RTF1: variants seen among roughly 807,000 people sequenced by gnomAD.
The protein encoded by RTF1 is RNA polymerase-associated protein RTF1 homolog.
Under a neutral mutation model 95.7 loss-of-function variants are expected in RTF1, and 10 were observed. The ratio of observed to expected loss-of-function variants is 0.10; its 90% CI spans 0.06 to 0.18. RTF1 has a LOEUF of 0.18. Ranked by LOEUF, RTF1 falls within the 10% of genes least tolerant of loss-of-function variation. RTF1 has a pLI of 1.00. For synonymous variants in RTF1, 305 were observed against 311.8 expected (o/e 0.98, Z 0.23); for missense variants, 458 against 875.6 (o/e 0.52, Z 6.02).
intron 2 of RTF1, among the ~76,000 whole-genome samples, chr15:41,441,509 T>C (rs940105502): frequency 6.6e-6 from 1 of 152,160 alleles, no homozygotes; most frequent in Non-Finnish European, 1.5e-5. Context: ...ACTTTTGCAG[T>C]TAGTACTGAG....
At chr15:41,420,974 G>A (rs1173844373) in intron 1 of RTF1, among the ~76,000 whole-genome samples, 1 of 152,204 alleles carries the variant, frequency 6.6e-6, no homozygotes, top group African/African-American at 2.4e-5. Flanking sequence ...CACACTATAA[G>A]TATTTAGAAG....
chr15:41,479,600 C>A (rs561565105), intron 16 of RTF1, among the ~76,000 whole-genome samples: 2 of 152,278 alleles, frequency 1.3e-5, no homozygotes, highest in Admixed American at 6.5e-5. Flanking sequence ...GTGGCTCATG[C>A]CTGTAATCCC....
At chr15:41,450,288 GGCC>G (rs1241889941) in intron 2 of RTF1, among the ~76,000 whole-genome samples, 5 of 152,188 alleles carry the variant, frequency 3.3e-5, no homozygotes, top group African/African-American at 1.2e-4. Flanking sequence ...AGAAGTTTTA[GGCC>G]AGGTGCGGTG....
At chr15:41,444,298 ATT>A (rs879695308) in intron 2 of RTF1, among the ~76,000 whole-genome samples, 4 of 143,072 alleles carry the variant, frequency 2.8e-5, no homozygotes, top group African/African-American at 2.5e-5. Flanking sequence ...TACTTGCTAG[ATT>A]TTTTTTTTTT....
chr15:41,476,260 G>C (rs976132310), intron 11 of RTF1, among the ~76,000 whole-genome samples, 186 bp from the exon 12 acceptor site: 6 of 152,144 alleles, frequency 3.9e-5, no homozygotes, highest in Admixed American at 1.3e-4. Flanking sequence ...AAGAATCTCC[G>C]TGACCCAGGA....
chr15:41,434,565 A>G (rs1378920637), intron 1 of RTF1, among the ~76,000 whole-genome samples: 1 of 151,952 alleles, frequency 6.6e-6, no homozygotes, highest in South Asian at 2.1e-4. Context: ...ATGGAACTGT[A>G]GAGTGTAGAT....
intron 1 of RTF1, among the ~76,000 whole-genome samples, chr15:41,421,129 G>A (rs1029317458): frequency 1.3e-5 from 2 of 151,906 alleles, no homozygotes; most frequent in South Asian, 2.1e-4. Context: ...TGAGATCAGC[G>A]TAGGCAACAA....
At chr15:41,457,205 C>G (rs1399256906) in intron 3 of RTF1, among the ~76,000 whole-genome samples, 1 of 152,170 alleles carries the variant, frequency 6.6e-6, no homozygotes, top group African/African-American at 2.4e-5. Flanking sequence ...AGTTCGAGAC[C>G]AGCCTTGGCA....
At chr15:41,473,174 T>C (rs1192528229) in intron 8 of RTF1, among the ~76,000 whole-genome samples, 2 of 150,778 alleles carry the variant, frequency 1.3e-5, no homozygotes, top group East Asian at 2.0e-4. Flanking sequence ...CGCCCTGTCA[T>C]CCAGGCTGGA....
chr15:41,470,105 C>T, intron 6 of RTF1, 152 bp from the exon 7 acceptor site: 1 of 744,570 alleles, frequency 1.3e-6, no homozygotes, highest in Non-Finnish European at 2.2e-6. Context: ...TGTGTTTTAA[C>T]TCATTTCTGT....
intron 1 of RTF1, among the ~76,000 whole-genome samples, chr15:41,431,507 G>T (rs1336608123): frequency 6.6e-6 from 1 of 151,936 alleles, no homozygotes; most frequent in Non-Finnish European, 1.5e-5. Flanking sequence ...GAACCACCGC[G>T]CCCGACTGGG....
chr15:41,436,184 G>T (rs1412815998), intron 1 of RTF1, among the ~76,000 whole-genome samples: 2 of 151,746 alleles, frequency 1.3e-5, no homozygotes, highest in Non-Finnish European at 2.9e-5. Context: ...GGGTGCAGTG[G>T]CTCACGCCTG....
intron 1 of RTF1, among the ~76,000 whole-genome samples, chr15:41,421,782 C>T (rs1196950620): frequency 1.3e-5 from 2 of 150,484 alleles, no homozygotes; most frequent in Admixed American, 6.7e-5. Context: ...AATTACAGCT[C>T]ACGGCTGTAG....
At chr15:41,474,896 G>A (rs182118838) in intron 9 of RTF1, among the ~76,000 whole-genome samples, 194 bp downstream of exon 9, 131 of 152,238 alleles carry the variant, frequency 8.6e-4, no homozygotes, top group Non-Finnish European at 1.3e-3. Flanking sequence ...CCTCTAGAGG[G>A]AACCAAATAT....
chr15:41,470,190 C>T, intron 6 of RTF1, 67 bp from the exon 7 acceptor site: 3 of 1,550,344 alleles, frequency 1.9e-6, no homozygotes, highest in Non-Finnish European at 2.6e-6. Context: ...ATTTCCAGTT[C>T]TTTTTCAAGG....
chr15:41,480,160 TG>T (rs1390558634), intron 16 of RTF1, 53 bp from the exon 17 acceptor site: 3 of 1,174,834 alleles, frequency 2.6e-6, no homozygotes, highest in Non-Finnish European at 3.8e-6. Flanking sequence ...TGCTGCTGCT[TG>T]AAATCCACTT....
At chr15:41,439,132 C>T (rs971347893) in intron 2 of RTF1, among the ~76,000 whole-genome samples, 26 of 150,936 alleles carry the variant, frequency 1.7e-4, no homozygotes, top group African/African-American at 6.1e-4. Context: ...TCCAGGTTCA[C>T]GCCATTCTCC....
At chr15:41,463,218 T>C (rs1451034187) in intron 4 of RTF1, among the ~76,000 whole-genome samples, 1 of 152,238 alleles carries the variant, frequency 6.6e-6, no homozygotes, top group Admixed American at 6.5e-5. Context: ...TTTGTTTATC[T>C]GTCCATCTGT....
chr15:41,472,046 A>G (rs1356977498), intron 8 of RTF1, among the ~76,000 whole-genome samples: 4 of 145,730 alleles, frequency 2.7e-5, no homozygotes, highest in Admixed American at 2.1e-4. Flanking sequence ...CTACAGGCGC[A>G]TGCCACCACA....
Sources: gnomAD v4.1 joint callset for allele counts (sites outside exome capture counted in the v4.1 genomes callset) on GRCh38, gnomAD v4.1.1 for gene constraint, MANE v1.5 for transcripts, NCBI Gene and HGNC (gene_info 2026-07-23, HGNC 2026-07-21) for gene names.